The following CLNK variants were observed in gnomAD, a reference collection of about 807,000 sequenced individuals.
CLNK encodes the protein cytokine dependent hematopoietic cell linker, also known as cytokine-dependent hematopoietic cell linker.
A neutral mutation model predicts 68.6 loss-of-function variants in CLNK; 74 were observed. The ratio of observed to expected loss-of-function variants is 1.08; its 90% CI spans 0.89 to 1.31. The LOEUF (loss-of-function observed/expected upper bound fraction) is 1.31, where lower values mean the gene tolerates loss of function less well. Among genes scored for constraint, CLNK ranks in the 50% most tolerant of loss-of-function variants. The probability of loss-of-function intolerance (pLI) is 0.00; values close to 1 mark genes in which losing one functional copy is unlikely to be tolerated. For missense variants in CLNK, 553 were observed against 515.3 expected, an observed-to-expected ratio of 1.07 and a Z score of -0.71; for synonymous variants, 198 against 172.2, an observed-to-expected ratio of 1.15 and a Z score of -1.17.
At chr4:10,494,445 A>T (rs900733338) in intron 18 of CLNK, among the ~76,000 whole-genome samples, 3 of 151,348 alleles carry the variant, frequency 2.0e-5, no homozygotes, top group East Asian at 1.9e-4. Flanking sequence ...GCAACTAGTC[A>T]CACAGTATTT....
intron 14 of CLNK, among the ~76,000 whole-genome samples, chr4:10,523,132 T>A (rs974333354): frequency 6.6e-6 from 1 of 152,156 alleles, no homozygotes; most frequent in Non-Finnish European, 1.5e-5. Flanking sequence ...ATTCAACACA[T>A]GTTTTAGAGA....
intron 2 of CLNK, among the ~76,000 whole-genome samples, chr4:10,614,949 T>C (rs561800283): frequency 1.0e-3 from 151 of 148,062 alleles, no homozygotes; most frequent in Non-Finnish European, 1.9e-3. Flanking sequence ...CTTTGGGAGG[T>C]CTAAGAAGGG....
chr4:10,593,162 G>A (rs189604441), intron 3 of CLNK, among the ~76,000 whole-genome samples: 2 of 152,338 alleles, frequency 1.3e-5, no homozygotes, highest in Admixed American at 1.3e-4. Context: ...ACCTTTCAGG[G>A]CGGCACTCCG....
At chr4:10,511,052 C>T (rs1717559893) in intron 16 of CLNK, among the ~76,000 whole-genome samples, 2 of 152,014 alleles carry the variant, frequency 1.3e-5, no homozygotes, top group African/African-American at 4.8e-5. Flanking sequence ...ACTTGGGAGG[C>T]TGAGGCAGGA....
intron 12 of CLNK, among the ~76,000 whole-genome samples, chr4:10,528,766 A>G (rs1417736467): frequency 2.6e-5 from 4 of 152,238 alleles, no homozygotes; most frequent in African/African-American, 7.2e-5. Flanking sequence ...ATGATAAACT[A>G]TTAAAGGTTG....
At chr4:10,717,795 G>T in the CLNK span, among the ~76,000 whole-genome samples, 2 of 152,098 alleles carry the variant, frequency 1.3e-5, no homozygotes, top group Non-Finnish European at 2.9e-5. Flanking sequence ...ATAATACCTG[G>T]AATATGCAGT....
the CLNK span, among the ~76,000 whole-genome samples, chr4:10,718,269 A>G: frequency 6.6e-6 from 1 of 152,280 alleles, no homozygotes; most frequent in Non-Finnish European, 1.5e-5. Context: ...ATAAATACTG[A>G]CAACTCTCCC....
At chr4:10,574,179 T>C (rs1376853263) in intron 4 of CLNK, among the ~76,000 whole-genome samples, 2 of 152,200 alleles carry the variant, frequency 1.3e-5, no homozygotes, top group Admixed American at 1.3e-4. Flanking sequence ...ATGTCACTCA[T>C]GGCCCATGTC....
At chr4:10,724,837 C>G in the CLNK span, among the ~76,000 whole-genome samples, 1 of 152,190 alleles carries the variant, frequency 6.6e-6, no homozygotes, top group East Asian at 1.9e-4. Flanking sequence ...GGAACTTCCC[C>G]TTCTCCTAGT....
chr4:10,564,600 A>T (rs1205884508), intron 7 of CLNK, 71 bp downstream of exon 7: 1 of 1,045,314 alleles, frequency 9.6e-7, no homozygotes, highest in African/African-American at 1.6e-5. Flanking sequence ...GGGACAGGAG[A>T]TGGGGCAGTT....
At chr4:10,514,994 C>T (rs139782415) in intron 15 of CLNK, among the ~76,000 whole-genome samples, 12,137 of 152,130 alleles carry the variant, frequency 0.08, 691 homozygotes, top group Admixed American at 0.18. Context: ...CCCAGCACTT[C>T]GGGAGGCCGA....
Position 10,576,612 on chromosome 4 carries a change from C to G in CLNK, c.113-4834G>C, listed in dbSNP as rs1450648745. Among the ~76,000 whole-genome samples the G allele has an allele frequency of 6.6e-5, 10 of 152,202 alleles. 1 individual carries two copies. The highest frequency in any genetic ancestry group is 1.5e-4 in the Non-Finnish European group (10 of 68,048). On this transcript the variant is annotated intron_variant, in intron 4 of 18. Transcript: ENST00000226951. ...CAGCTCTTCTCGTGTCTGCAGAGGT[C>G]CAGCCAAGGATGACAGAGGTGCTTG...
At chr4:10,540,750 A>G (rs1314545178) in intron 10 of CLNK, 146 bp from the exon 11 acceptor site, 3 of 622,442 alleles carry the variant, frequency 4.8e-6, no homozygotes, top group Non-Finnish European at 8.7e-6. Context: ...GAGCAGACCG[A>G]TCTGGTCTGG....
intron 2 of CLNK, 87 bp from the exon 3 acceptor site, chr4:10,598,136 C>A: frequency 1.2e-6 from 1 of 852,542 alleles, no homozygotes. Context: ...ATAGAAAGAG[C>A]CACCCAGTCA....
chr4:10,547,114 G>A lies in CLNK; in HGVS notation c.446-4834C>T, dbSNP rs558094670. Among the ~76,000 whole-genome samples the A allele has an allele frequency of 3.9e-5, 6 of 152,222 alleles. No homozygotes were observed. In the South Asian group the frequency reaches 1.2e-3, roughly 32 times the overall value. On this transcript the variant is annotated intron_variant, in intron 8 of 18. Transcript: ENST00000226951. ...CCTTTATGCCTCACCTGTCAATACTGCTATATTGGGGACAAAGTTTCAACA... is the reference window on the plus strand; with the variant it reads ...CCTTTATGCCTCACCTGTCAATACTACTATATTGGGGACAAAGTTTCAACA...
chr4:10,507,237 G>A (rs907589166), intron 17 of CLNK, among the ~76,000 whole-genome samples: 20 of 151,826 alleles, frequency 1.3e-4, no homozygotes, highest in Admixed American at 3.9e-4. Flanking sequence ...TCAGCCTCCC[G>A]AGTAGCTGAG....
chr4:10,697,180 G>T, the CLNK span: 1 of 152,126 alleles, frequency 6.6e-6, no homozygotes, highest in Non-Finnish European at 1.5e-5. Context: ...CTTCATAAAA[G>T]TCAGTTGTGC....
chr4:10,513,336 T>C (rs1717680710), intron 16 of CLNK, 128 bp downstream of exon 16: 1 of 747,922 alleles, frequency 1.3e-6, no homozygotes, highest in South Asian at 2.2e-5. Flanking sequence ...TAAAACCCAG[T>C]AACATATAGC....
chr4:10,486,842 A>C lies in CLNK; in HGVS notation c.*3625T>G, dbSNP rs751955218. ...ACTCAGAAATAAGTGTTAAAATAGA[A>C]ATCCAATCCAGTAATGGGAAACTGA... is the stretch of plus-strand genomic sequence containing the variant. On this transcript the variant is annotated 3_prime_UTR_variant, in exon 19 of 19. Coordinates refer to ENST00000226951, the MANE Select transcript of CLNK (RefSeq NM_052964.4). 1.3e-5 allele frequency: 2 copies of C among 152,216 alleles called. No individual in the cohort carries two copies. Among genetic ancestry groups the C allele is most frequent in the Admixed American group, 6.5e-5 (1 of 15,276 alleles). The allele number at this position is 152,216 out of a possible 1,614,324, so 9.4% of individuals were successfully genotyped here.
Sources: gnomAD v4.1 joint callset for allele counts (sites outside exome capture counted in the v4.1 genomes callset) on GRCh38, gnomAD v4.1.1 for gene constraint, MANE v1.5 for transcripts, NCBI Gene and HGNC (gene_info 2026-07-23, HGNC 2026-07-21) for gene names.